Variants in NCAM1 observed in about 807,000 individuals in gnomAD.
NCAM1 encodes the protein neural cell adhesion molecule 1, also known as antigen recognized by monoclonal antibody 5.1H11.
Under a neutral mutation model 109.8 loss-of-function variants are expected in NCAM1, and 14 were observed. The ratio of observed to expected loss-of-function variants is 0.13; its 90% confidence interval spans 0.08 to 0.20. The LOEUF is 0.20. Among genes scored for constraint, NCAM1 ranks in the 10% least tolerant of loss-of-function variants. The pLI is 1.00. For missense variants in NCAM1, 774 were observed against 1,109.9 expected (o/e 0.70, Z 4.30); for synonymous variants, 418 against 442.9 (o/e 0.94, Z 0.70).
At chr11:113,188,256 C>T (rs903078048) in intron 1 of NCAM1, among the ~76,000 whole-genome samples, 33 of 152,198 alleles carry the variant, frequency 2.2e-4, no homozygotes, top group African/African-American at 7.5e-4. Flanking sequence ...TTATCACCAT[C>T]GTCTGTGGAT....
At position 113,155,185 on chromosome 11, in the gene NCAM1, T is replaced by C. The variant is rs544704439; in HGVS notation, c.53-47194T>C. Among the ~76,000 whole-genome samples the C allele has an allele frequency of 1.1e-3, 170 of 152,056 alleles. 1 individual carries two copies. Among genetic ancestry groups the C allele is most frequent in the South Asian group, 8.9e-3 (43 of 4,818 alleles). ...GAGGAACTGGAAGAATTGAAAATGG[T>C]CATTAGAGGGTTGTATATTGGAATT... is the stretch of plus-strand genomic sequence containing the variant. On this transcript the variant is annotated intron_variant, in intron 1 of 19. Transcript: ENST00000316851.
At chr11:113,164,287 T>C (rs911900422) in intron 1 of NCAM1, among the ~76,000 whole-genome samples, 2 of 152,208 alleles carry the variant, frequency 1.3e-5, no homozygotes, top group African/African-American at 2.4e-5. Flanking sequence ...AATACTTCAC[T>C]TCTGACATGA....
intron 17 of NCAM1, among the ~76,000 whole-genome samples, chr11:113,266,460 G>C (rs1946135335): frequency 6.6e-6 from 1 of 152,058 alleles, no homozygotes; most frequent in Non-Finnish European, 1.5e-5. Flanking sequence ...GGTCAAGTTT[G>C]TTTTCAGGGT....
intron 1 of NCAM1, among the ~76,000 whole-genome samples, chr11:113,034,258 T>C (rs994621998): frequency 6.6e-6 from 1 of 151,588 alleles, no homozygotes; most frequent in Non-Finnish European, 1.5e-5. Context: ...TGGGGATTTG[T>C]CCTTGAGGAC....
chr11:113,236,305 C>T, intron 14 of NCAM1: 1 of 1,613,578 alleles, frequency 6.2e-7, no homozygotes, highest in Non-Finnish European at 8.5e-7. Context: ...ATGCAGATAG[C>T]CCTCCTCCAC....
At chr11:113,167,813 T>G (rs1555105516) in intron 1 of NCAM1, among the ~76,000 whole-genome samples, 1 of 152,214 alleles carries the variant, frequency 6.6e-6, no homozygotes, top group African/African-American at 2.4e-5. Context: ...TTTTCTAGAA[T>G]GGATCCAGTG....
chr11:113,008,402 T>A (rs1236061060), intron 1 of NCAM1, among the ~76,000 whole-genome samples: 1 of 152,212 alleles, frequency 6.6e-6, no homozygotes, highest in Non-Finnish European at 1.5e-5. Context: ...ATGGCTATAA[T>A]GAATGTAGCC....
intron 1 of NCAM1, among the ~76,000 whole-genome samples, chr11:113,130,425 T>C (rs1422556464): frequency 6.6e-6 from 1 of 152,156 alleles, no homozygotes; most frequent in Non-Finnish European, 1.5e-5. Flanking sequence ...AATGAGTCAA[T>C]TAAACAGTAT....
At position 113,270,276 on chromosome 11, in the gene NCAM1, C is replaced by T. The variant is rs201927228; in HGVS notation, c.2220C>T (p.Asp740=). The change falls in exon 18 of 20, where the codon GAC becomes GAT. Residue 740 remains aspartate, a synonymous_variant. Transcript: ENST00000316851. ...TCGTCCTGCTCCTGGTGGTTGTGGA[C>T]ATCACCTGCTACTTCCTGAACAAGT... ...VIFVLLLVVV[D]ITCYFLNKCG... The T allele has an allele frequency of 6.8e-4, 1,097 of 1,614,050 alleles. No homozygotes were observed. Among genetic ancestry groups the T allele is most frequent in the Admixed American group, 1.1e-3 (65 of 60,036 alleles).
At position 112,985,069 on chromosome 11, in the gene NCAM1, A is replaced by T. The variant is rs181896036; in HGVS notation, c.52+23405A>T. ...TGAGTTGATTTTTGTGTATGGTGTA[A>T]GATAAGTATCCAATTTCATTCTTTT... On this transcript the variant is annotated intron_variant, in intron 1 of 19. Transcript: ENST00000316851. Among the ~76,000 whole-genome samples, 9 of 151,980 alleles carry T rather than the reference A, an allele frequency of 5.9e-5. No homozygotes were observed. In the East Asian group the frequency reaches 1.7e-3, roughly 29 times the overall value.
At chr11:113,104,088 A>G (rs946631172) in intron 1 of NCAM1, among the ~76,000 whole-genome samples, 3 of 151,748 alleles carry the variant, frequency 2.0e-5, no homozygotes, top group Admixed American at 2.0e-4. Context: ...TTAGCTTTCT[A>G]AACTTATCCC....
chr11:113,261,181 C>T lies in NCAM1; in HGVS notation c.2131+858C>T, dbSNP rs1309342390. ...ATGTTCAAGTGTGGTGGGAAGACGG[C>T]CTTGGGCAGCCCCCCTCATGCCTGC... is the stretch of plus-strand genomic sequence containing the variant. On this transcript the variant is annotated intron_variant, in intron 17 of 19. Transcript: ENST00000316851. Among the ~76,000 whole-genome samples, 2 of 152,006 alleles carry T rather than the reference C, an allele frequency of 1.3e-5. 1 individual carries two copies. Among genetic ancestry groups the T allele is most frequent in the African/African-American group, 4.8e-5 (2 of 41,402 alleles).
chr11:113,265,261 C>A, intron 17 of NCAM1: 1 of 655,046 alleles, frequency 1.5e-6, no homozygotes, highest in Non-Finnish European at 1.9e-6. Context: ...GACCCTTTCC[C>A]TCCGCCTCTC....
At chr11:113,264,756 A>AG in intron 17 of NCAM1, 1 of 985,472 alleles carries the variant, frequency 1.0e-6, no homozygotes, top group African/African-American at 1.7e-5. Flanking sequence ...ATCTCAACAC[A>AG]TCCCAGGGTC....
intron 14 of NCAM1, chr11:113,242,954 A>AGTTGTGAATGC: frequency 6.3e-7 from 1 of 1,589,380 alleles, no homozygotes; most frequent in Non-Finnish European, 8.6e-7. Flanking sequence ...TAAAAGCAAC[A>AGTTGTGAATGC]GTTGTGAATG....
At chr11:113,048,932 G>A (rs1393252174) in intron 1 of NCAM1, among the ~76,000 whole-genome samples, 1 of 152,140 alleles carries the variant, frequency 6.6e-6, no homozygotes, top group Non-Finnish European at 1.5e-5. Context: ...GGTGTTTCTT[G>A]GGGTGCTCTT....
At chr11:113,245,753 A>G (rs1945481812) in intron 14 of NCAM1, among the ~76,000 whole-genome samples, 1 of 152,208 alleles carries the variant, frequency 6.6e-6, no homozygotes, top group African/African-American at 2.4e-5. Context: ...TCCTTATGCC[A>G]TAGGAAACAT....
At chr11:112,983,458 C>G (rs1461207271) in intron 1 of NCAM1, among the ~76,000 whole-genome samples, 3 of 151,240 alleles carry the variant, frequency 2.0e-5, no homozygotes, top group African/African-American at 2.4e-5. Flanking sequence ...AATTCTTCTC[C>G]CAGGAAGATG....
At chr11:113,256,035 C>G (rs1945825601) in intron 16 of NCAM1, 34 bp downstream of exon 16, 3 of 1,574,526 alleles carry the variant, frequency 1.9e-6, no homozygotes, top group South Asian at 1.2e-5. Flanking sequence ...TCACCAGAAC[C>G]CTGCAACCCT....
Sources: gnomAD v4.1 joint callset for allele counts (sites outside exome capture counted in the v4.1 genomes callset) on GRCh38, gnomAD v4.1.1 for gene constraint, MANE v1.5 for transcripts, NCBI Gene and HGNC (gene_info 2026-07-23, HGNC 2026-07-21) for gene names.